ADAMTSL3: variants seen among roughly 807,000 people sequenced by gnomAD.
ADAMTSL3 encodes ADAMTS like 3.
A neutral mutation model predicts 201.7 loss-of-function variants in ADAMTSL3; 128 were observed. The ratio of observed to expected loss-of-function variants is 0.63; its 90% CI spans 0.55 to 0.73. The LOEUF is 0.73. Among genes scored for constraint, ADAMTSL3 ranks in the 30% least tolerant of loss-of-function variants. The pLI is 0.00. For missense variants in ADAMTSL3, 1,990 were observed against 2,119.6 expected (o/e 0.94, Z 1.20); for synonymous variants, 738 against 748.4 (o/e 0.99, Z 0.23).
At chr15:83,809,812 A>G (rs1724666035) in intron 5 of ADAMTSL3, among the ~76,000 whole-genome samples, 1 of 152,112 alleles carries the variant, frequency 6.6e-6, no homozygotes, top group Admixed American at 6.6e-5. Flanking sequence ...ACTTTTCTCA[A>G]TTGGCTGTAA....
chr15:83,864,035 T>C (rs1259092733), intron 8 of ADAMTSL3, among the ~76,000 whole-genome samples: 3 of 152,022 alleles, frequency 2.0e-5, no homozygotes, highest in Non-Finnish European at 2.9e-5. Flanking sequence ...AATTCCTTGA[T>C]ATATACACCC....
At chr15:83,804,601 T>G in intron 4 of ADAMTSL3, 49 bp from the exon 5 acceptor site, 1 of 1,081,808 alleles carries the variant, frequency 9.2e-7, no homozygotes, top group Non-Finnish European at 1.3e-6. Context: ...AATGCTTGCC[T>G]CTTCTATGAA....
chr15:83,857,665 G>C (rs1313192830), intron 7 of ADAMTSL3, among the ~76,000 whole-genome samples: 2 of 152,096 alleles, frequency 1.3e-5, no homozygotes, highest in East Asian at 3.8e-4. Flanking sequence ...GTTAGAAAAA[G>C]ATTTATTTTG....
In ADAMTSL3 at chr15:83,655,759, C is replaced by G. The variant is rs2061074043; in HGVS notation, c.-3C>G. 6.2e-7 allele frequency: 1 copy of G among 1,613,944 alleles called. No homozygotes were observed. Among genetic ancestry groups the G allele is most frequent in the African/African-American group, 1.3e-5 (1 of 74,898 alleles). ...AACTGAGACCCGGAGGAGACTAGAC[C>G]CCATGGCTTCCTGGACGAGCCCCTG... On this transcript the variant is annotated 5_prime_UTR_variant, in exon 2 of 30. Coordinates refer to ENST00000286744, the MANE Select transcript of ADAMTSL3 (RefSeq NM_207517.3).
At chr15:83,678,709 G>A (rs937305956) in intron 2 of ADAMTSL3, among the ~76,000 whole-genome samples, 3 of 144,966 alleles carry the variant, frequency 2.1e-5, no homozygotes, top group African/African-American at 7.6e-5. Context: ...ATTTCTTCAA[G>A]TGTTATTTTA....
intron 20 of ADAMTSL3, among the ~76,000 whole-genome samples, chr15:83,976,183 T>C (rs1224122098): frequency 6.6e-6 from 1 of 152,174 alleles, no homozygotes; most frequent in East Asian, 1.9e-4. Context: ...CTATCATTTG[T>C]TGTGGTCGCC....
At chr15:83,840,201 G>A (rs931482670) in intron 7 of ADAMTSL3, among the ~76,000 whole-genome samples, 2 of 152,126 alleles carry the variant, frequency 1.3e-5, no homozygotes, top group Non-Finnish European at 2.9e-5. Flanking sequence ...GGTAAATGCA[G>A]AACTTAGCAA....
Position 83,819,851 on chromosome 15 carries a change from G to A in ADAMTSL3, c.404G>A (p.Cys135Tyr). Residue 135 changes from cysteine (C) to tyrosine (Y), a missense_variant, in exon 6 of 30, where the codon TGC becomes TAC. Transcript: ENST00000286744. ...GCAGAAGATTTCAGAGCCCAGCAGT[G>A]CTCAGCCTACAATGATGTCCAGTAT... Reference protein sequence around the residue: ...PDAEDFRAQQCSAYNDVQYQG... With the variant: ...PDAEDFRAQQYSAYNDVQYQG... 6.2e-7 allele frequency: 1 copy of A among 1,614,050 alleles called. No individual in the cohort carries two copies. The highest frequency in any genetic ancestry group is 8.5e-7 in the Non-Finnish European group (1 of 1,180,036).
At chr15:83,677,230 GA>G (rs34753287) in intron 2 of ADAMTSL3, among the ~76,000 whole-genome samples, 3,434 of 152,078 alleles carry the variant, frequency 0.023, 134 homozygotes, top group African/African-American at 0.075. Context: ...GGGCACTCTT[GA>G]AAAAAATGTG....
At chr15:83,958,065 C>T (rs981533340) in intron 19 of ADAMTSL3, among the ~76,000 whole-genome samples, 16 of 152,174 alleles carry the variant, frequency 1.1e-4, no homozygotes, top group South Asian at 2.1e-4. Context: ...TAGGTGAGGC[C>T]AAACCACACA....
At chr15:83,796,753 T>C (rs895816160) in intron 4 of ADAMTSL3, among the ~76,000 whole-genome samples, 5 of 152,286 alleles carry the variant, frequency 3.3e-5, no homozygotes, top group African/African-American at 4.8e-5. Flanking sequence ...GAAACAGATA[T>C]ATGCGTATGT....
chr15:83,983,335 C>A lies in ADAMTSL3; in HGVS notation c.3707C>A (p.Pro1236His), dbSNP rs545351207. 2.0e-5 allele frequency: 30 copies of A among 1,498,736 alleles called. No individual in the cohort carries two copies. The South Asian group carries it at 3.7e-4, about 18-fold the overall frequency. 92.8% of individuals were successfully genotyped at this position (1,498,736 alleles called of 1,614,324 possible). A position where few individuals can be genotyped will look rare whatever the true frequency, so the allele number is the denominator to read the frequency against. The change falls in exon 21 of 30, where the codon CCC becomes CAC. Residue 1236 changes from proline to histidine, a missense_variant. Pro to His is a moderately conservative substitution (Grantham distance 77). Transcript: ENST00000286744. ...TWTKDGTLLQ[P>H]SVKIILDGTG... is the part of the protein sequence containing the mutation. Reference sequence around the variant, plus strand: ...ACCAAGGATGGAACCTTGTTACAGCCCTCAGTAAAGTAAGTAAAATAAAAA... The same window carrying A: ...ACCAAGGATGGAACCTTGTTACAGCACTCAGTAAAGTAAGTAAAATAAAAA...
intron 9 of ADAMTSL3, among the ~76,000 whole-genome samples, chr15:83,879,143 T>C (rs982300332): frequency 1.3e-5 from 2 of 152,200 alleles, no homozygotes; most frequent in African/African-American, 4.8e-5. Context: ...TTGTGCCTAC[T>C]CTTCTCCTTG....
At chr15:83,814,520 C>A (rs556267066) in intron 5 of ADAMTSL3, among the ~76,000 whole-genome samples, 262 of 152,206 alleles carry the variant, frequency 1.7e-3, no homozygotes, top group African/African-American at 6.0e-3. Flanking sequence ...CGTCGTTTCC[C>A]GAATCTTATC....
At chr15:83,670,495 A>G (rs2061317289) in intron 2 of ADAMTSL3, among the ~76,000 whole-genome samples, 1 of 152,094 alleles carries the variant, frequency 6.6e-6, no homozygotes, top group African/African-American at 2.4e-5. Context: ...TTATGACCAC[A>G]CACACACACA....
At chr15:83,877,917 A>G (rs932281416) in intron 9 of ADAMTSL3, among the ~76,000 whole-genome samples, 3 of 152,050 alleles carry the variant, frequency 2.0e-5, no homozygotes, top group Admixed American at 6.6e-5. Context: ...TATTGACATT[A>G]TATTCTTACT....
intron 21 of ADAMTSL3, among the ~76,000 whole-genome samples, chr15:83,984,837 A>G (rs561838404): frequency 1.6e-4 from 24 of 152,348 alleles, no homozygotes; most frequent in Admixed American, 1.1e-3. Context: ...ATCTGTTGTG[A>G]AATGTTGTTT....
intron 2 of ADAMTSL3, among the ~76,000 whole-genome samples, chr15:83,679,262 T>C (rs1184141254): frequency 6.6e-6 from 1 of 152,200 alleles, no homozygotes; most frequent in Non-Finnish European, 1.5e-5. Context: ...TAATTGCTCA[T>C]AGAAACATTT....
intron 28 of ADAMTSL3, among the ~76,000 whole-genome samples, chr15:84,034,930 A>T (rs1027388935): frequency 6.6e-6 from 1 of 152,174 alleles, no homozygotes; most frequent in Admixed American, 6.5e-5. Flanking sequence ...AACCCCAGTT[A>T]TGTGCATAGT....
Sources: gnomAD v4.1 joint callset for allele counts (sites outside exome capture counted in the v4.1 genomes callset) on GRCh38, gnomAD v4.1.1 for gene constraint, MANE v1.5 for transcripts, NCBI Gene and HGNC (gene_info 2026-07-23, HGNC 2026-07-21) for gene names.